ACOXL: variants seen among roughly 807,000 people sequenced by gnomAD.
ACOXL encodes the protein acyl-coenzyme A oxidase-like protein.
ACOXL carries 70 observed loss-of-function variants against 71.9 expected under a neutral mutation model. The observed-to-expected ratio is 0.97, with a 90% confidence interval of 0.80 to 1.19. The LOEUF is 1.19. Ranked by LOEUF, ACOXL falls within the 50% of genes most tolerant of loss-of-function variation. ACOXL has a pLI of 0.00. For missense variants in ACOXL, 703 were observed against 736.3 expected, an observed-to-expected ratio of 0.95 and a Z score of 0.52; for synonymous variants, 253 against 281.6, an observed-to-expected ratio of 0.90 and a Z score of 1.02.
At chr2:110,872,704 AAGGTCT>A (rs1695425439) in intron 10 of ACOXL, among the ~76,000 whole-genome samples, 1 of 152,202 alleles carries the variant, frequency 6.6e-6, no homozygotes, top group Non-Finnish European at 1.5e-5. Context: ...CCTCTGCATT[AAGGTCT>A]AGTTGGAGGC....
intron 12 of ACOXL, among the ~76,000 whole-genome samples, chr2:110,953,127 C>A (rs1179796017): frequency 3.3e-5 from 5 of 152,114 alleles, no homozygotes; most frequent in Non-Finnish European, 2.9e-5. Flanking sequence ...TAGAGAAGGA[C>A]TGTTCTGATC....
At chr2:110,973,546 A>T (rs746329474) in intron 12 of ACOXL, among the ~76,000 whole-genome samples, 126 of 152,264 alleles carry the variant, frequency 8.3e-4, no homozygotes, top group Non-Finnish European at 1.2e-3. Flanking sequence ...CACTACTTTG[A>T]TCTTGGACTT....
At chr2:110,998,890 A>G (rs1260415769) in intron 14 of ACOXL, among the ~76,000 whole-genome samples, 3 of 152,258 alleles carry the variant, frequency 2.0e-5, no homozygotes, top group Non-Finnish European at 4.4e-5. Context: ...CATTGTGTAT[A>G]GAAACAAATC....
At chr2:110,932,318 A>G (rs2060504139) in intron 11 of ACOXL, among the ~76,000 whole-genome samples, 1 of 152,210 alleles carries the variant, frequency 6.6e-6, no homozygotes, top group Non-Finnish European at 1.5e-5. Context: ...CTTGATTGTG[A>G]TGCTATTCTC....
At chr2:111,006,306 T>G (rs1293793807) in intron 14 of ACOXL, among the ~76,000 whole-genome samples, 1 of 152,200 alleles carries the variant, frequency 6.6e-6, no homozygotes, top group Non-Finnish European at 1.5e-5. Flanking sequence ...CATTACTCAG[T>G]GAGAGATTAG....
At chr2:110,796,404 A>G (rs908727571) in intron 5 of ACOXL, among the ~76,000 whole-genome samples, 9 of 152,254 alleles carry the variant, frequency 5.9e-5, no homozygotes, top group Non-Finnish European at 1.3e-4. Flanking sequence ...AATAATGATT[A>G]CAGAAACTGA....
intron 1 of ACOXL, among the ~76,000 whole-genome samples, chr2:110,746,187 T>C (rs1051230013): frequency 5.3e-5 from 8 of 152,192 alleles, no homozygotes; most frequent in Non-Finnish European, 1.2e-4. Context: ...ACTGCAGAGC[T>C]GAGCAGGGGA....
At chr2:110,771,674 G>GCA (rs540399670) in intron 2 of ACOXL, among the ~76,000 whole-genome samples, 3 of 152,026 alleles carry the variant, frequency 2.0e-5, no homozygotes, top group African/African-American at 4.8e-5. Context: ...GAGTGTGCAC[G>GCA]CACACACACA....
At chr2:111,049,951 CT>C (rs2066204867) in intron 16 of ACOXL, among the ~76,000 whole-genome samples, 1 of 152,168 alleles carries the variant, frequency 6.6e-6, no homozygotes. Context: ...TTAATTAAAA[CT>C]TTGTCTTTGA....
At chr2:110,825,168 T>C (rs1689026927) in intron 9 of ACOXL, among the ~76,000 whole-genome samples, 1 of 152,238 alleles carries the variant, frequency 6.6e-6, no homozygotes, top group African/African-American at 2.4e-5. Flanking sequence ...ACCTTTGTTC[T>C]CTTTGATTGC....
intron 14 of ACOXL, among the ~76,000 whole-genome samples, chr2:111,010,444 G>A (rs1290385364): frequency 6.6e-6 from 1 of 152,044 alleles, no homozygotes; most frequent in African/African-American, 2.4e-5. Context: ...AATAATCAGA[G>A]CCCTCATGAC....
intron 17 of ACOXL, among the ~76,000 whole-genome samples, chr2:111,105,994 C>A (rs982709222): frequency 6.6e-6 from 1 of 152,038 alleles, no homozygotes; most frequent in South Asian, 2.1e-4. Context: ...GAATAAATTT[C>A]TTTGGATTTA....
intron 2 of ACOXL, among the ~76,000 whole-genome samples, chr2:110,776,085 G>C (rs1220746081): frequency 6.6e-6 from 1 of 152,228 alleles, no homozygotes; most frequent in Non-Finnish European, 1.5e-5. Flanking sequence ...ATGTTATTCA[G>C]CCTTAAAAGG....
chr2:110,981,441 T>C (rs12472985), intron 12 of ACOXL, among the ~76,000 whole-genome samples: 22,954 of 152,098 alleles, frequency 0.15, 2,078 homozygotes, highest in East Asian at 0.34. Flanking sequence ...TCTCTAGGCC[T>C]TGGTTGTATT....
intron 16 of ACOXL, among the ~76,000 whole-genome samples, chr2:111,060,658 A>T (rs2066769467): frequency 1.3e-5 from 2 of 152,252 alleles, no homozygotes; most frequent in Non-Finnish European, 2.9e-5. Flanking sequence ...GAATGAAAAA[A>T]GCCATCGGTA....
chr2:110,977,757 C>T (rs557087242), intron 12 of ACOXL, among the ~76,000 whole-genome samples: 2 of 152,138 alleles, frequency 1.3e-5, no homozygotes, highest in African/African-American at 2.4e-5. Context: ...TTCTCTGCTC[C>T]CCAGAATTTG....
At chr2:110,995,043 A>G (rs546592525) in intron 13 of ACOXL, among the ~76,000 whole-genome samples, 1 of 150,140 alleles carries the variant, frequency 6.7e-6, no homozygotes, top group East Asian at 1.9e-4. Flanking sequence ...TATATAATAT[A>G]TTTAATAAGT....
At chr2:111,009,436 C>A (rs2149661410) in intron 14 of ACOXL, among the ~76,000 whole-genome samples, 1 of 151,500 alleles carries the variant, frequency 6.6e-6, no homozygotes, top group East Asian at 1.9e-4. Context: ...ATTGCATGAA[C>A]CTGGGAGGTG....
rs747193723 is a variant in ACOXL, at chr2:110,967,832, G to C, written c.1060-19276G>C. Reference sequence around the variant, plus strand: ...CACGGATGTGGGTCTCTGTTTTGCAGGATGGGGTTTGTTAAAGTTGTTAAG... The same window carrying C: ...CACGGATGTGGGTCTCTGTTTTGCACGATGGGGTTTGTTAAAGTTGTTAAG... On this transcript the variant is annotated intron_variant, in intron 12 of 17. Transcript: ENST00000439055. 100 of 1,133,976 alleles carry C rather than the reference G, an allele frequency of 8.8e-5. 1 individual carries two copies. The highest frequency in any genetic ancestry group is 1.2e-4 in the Non-Finnish European group (93 of 769,200). 70.2% of individuals were successfully genotyped at this position (1,133,976 alleles called of 1,614,324 possible).
Sources: allele counts gnomAD v4.1 joint callset (sites outside exome capture counted in the v4.1 genomes callset), GRCh38; gene constraint gnomAD v4.1.1; transcripts MANE v1.5; gene names NCBI Gene and HGNC (gene_info 2026-07-23, HGNC 2026-07-21).